The following ARHGAP31 variants were observed in gnomAD, a reference collection of about 807,000 sequenced individuals.
ARHGAP31 encodes the protein Rho GTPase activating protein 31.
Under a neutral mutation model 113.9 loss-of-function variants are expected in ARHGAP31, and 34 were observed. The ratio of observed to expected loss-of-function variants is 0.30; its 90% CI spans 0.23 to 0.40. ARHGAP31 has a LOEUF of 0.40. ARHGAP31 is among the 10% of genes least tolerant of loss of function. The probability of loss-of-function intolerance (pLI) is 1.00; values close to 1 mark genes in which losing one functional copy is unlikely to be tolerated. For synonymous variants in ARHGAP31, 650 were observed against 684.8 expected, an observed-to-expected ratio of 0.95 and a Z score of 0.79; for missense variants, 1,548 against 1,767.1, an observed-to-expected ratio of 0.88 and a Z score of 2.22.
chr3:119,366,262 A>ATTT, intron 2 of ARHGAP31, among the ~76,000 whole-genome samples: 1 of 150,960 alleles, frequency 6.6e-6, no homozygotes, highest in South Asian at 2.2e-4. Flanking sequence ...TTTAGTTATA[A>ATTT]ATGTAGGCTT....
At chr3:119,350,415 AT>A (rs1160208859) in intron 1 of ARHGAP31, among the ~76,000 whole-genome samples, 1 of 152,196 alleles carries the variant, frequency 6.6e-6, no homozygotes, top group Non-Finnish European at 1.5e-5. Flanking sequence ...AGATGACGTC[AT>A]TTTTTATAAA....
intron 7 of ARHGAP31, among the ~76,000 whole-genome samples, chr3:119,392,240 G>A (rs2107636247): frequency 6.6e-6 from 1 of 152,268 alleles, no homozygotes; most frequent in South Asian, 2.1e-4. Flanking sequence ...TTGAGCCCAG[G>A]AGTTTGAGAC....
intron 4 of ARHGAP31, among the ~76,000 whole-genome samples, chr3:119,381,918 G>A (rs146399667): frequency 0.042 from 6,403 of 151,412 alleles, 189 homozygotes; most frequent in African/African-American, 0.077. Flanking sequence ...CCCGGGAGGC[G>A]GAGCTTGCAG....
At chr3:119,298,143 G>A (rs140834967) in intron 1 of ARHGAP31, among the ~76,000 whole-genome samples, 136 of 152,162 alleles carry the variant, frequency 8.9e-4, no homozygotes, top group Non-Finnish European at 1.8e-3. Flanking sequence ...GGCATGAAGT[G>A]GCTCCTGGCA....
At chr3:119,337,097 A>T (rs1325481617) in intron 1 of ARHGAP31, among the ~76,000 whole-genome samples, 1 of 152,206 alleles carries the variant, frequency 6.6e-6, no homozygotes, top group Non-Finnish European at 1.5e-5. Context: ...TGTTGTGAAT[A>T]ATGGTGCTGT....
At chr3:119,352,674 G>A (rs1232626378) in intron 1 of ARHGAP31, among the ~76,000 whole-genome samples, 1 of 152,236 alleles carries the variant, frequency 6.6e-6, no homozygotes, top group South Asian at 2.1e-4. Context: ...TGGCCCTGAT[G>A]AGGAAGCTGA....
At chr3:119,379,417 T>C (rs2080376246) in intron 3 of ARHGAP31, among the ~76,000 whole-genome samples, 1 of 152,146 alleles carries the variant, frequency 6.6e-6, no homozygotes, top group Non-Finnish European at 1.5e-5. Context: ...TAAAGTTAAT[T>C]CCCTTCCACT....
intron 1 of ARHGAP31, among the ~76,000 whole-genome samples, chr3:119,295,342 G>C (rs1024423304): frequency 2.0e-5 from 3 of 151,884 alleles, no homozygotes; most frequent in African/African-American, 7.3e-5. Flanking sequence ...CGTTGGAAGG[G>C]AGGGAGGAGG....
intron 1 of ARHGAP31, among the ~76,000 whole-genome samples, chr3:119,362,487 G>T (rs2080216872): frequency 6.6e-6 from 1 of 152,234 alleles, no homozygotes; most frequent in South Asian, 2.1e-4. Context: ...TAGAGATGAG[G>T]CTGGGCGAGG....
At position 119,409,757 on chromosome 3, in the gene ARHGAP31, C is replaced by A. The variant is rs2080699896; in HGVS notation, c.1907C>A (p.Ala636Asp). The A allele has an allele frequency of 3.1e-6, 5 of 1,604,530 alleles. No homozygotes were observed. The African/African-American group carries it at 5.4e-5, about 17-fold the overall frequency. The stretch of plus-strand genomic sequence containing the variant: ...GAGAGCCCCAGGGCCAGAGCCGAAG[C>A]TGTGCTTCTCCATGAGATGGTAAAG... Reference protein sequence around the residue: ...LQESPRARAEAVLLHEMDEDD... With the variant: ...LQESPRARAEDVLLHEMDEDD... The change falls in exon 11 of 12, where the codon GCT (alanine) becomes GAT (aspartate). Residue 636 changes from alanine to aspartate, a missense_variant. By Grantham distance (126) the Ala-to-Asp change is moderately radical (BLOSUM62 -2). Transcript: ENST00000264245.
chr3:119,409,151 C>T (rs1349994121), intron 10 of ARHGAP31, among the ~76,000 whole-genome samples: 1 of 152,104 alleles, frequency 6.6e-6, no homozygotes, highest in Admixed American at 6.5e-5. Context: ...CACTACATGC[C>T]AGTAGCATTC....
intron 1 of ARHGAP31, among the ~76,000 whole-genome samples, chr3:119,357,906 T>A (rs1168056852): frequency 6.6e-6 from 1 of 152,234 alleles, no homozygotes; most frequent in Admixed American, 6.5e-5. Context: ...TGCATAATGA[T>A]GAACCATTAT....
At chr3:119,413,314 C>T (rs2050598244) in intron 11 of ARHGAP31, among the ~76,000 whole-genome samples, 1 of 127,460 alleles carries the variant, frequency 7.8e-6, no homozygotes, top group South Asian at 2.7e-4. Flanking sequence ...GAGACTCTGT[C>T]TCAAAAAAAA....
intron 1 of ARHGAP31, among the ~76,000 whole-genome samples, chr3:119,338,391 T>C (rs1456694824): frequency 6.6e-6 from 1 of 152,244 alleles, no homozygotes; most frequent in Non-Finnish European, 1.5e-5. Context: ...GCTCCTGTGG[T>C]ACTACATATT....
At chr3:119,327,739 C>T (rs763451540) in intron 1 of ARHGAP31, among the ~76,000 whole-genome samples, 3 of 152,194 alleles carry the variant, frequency 2.0e-5, no homozygotes, top group Non-Finnish European at 4.4e-5. Context: ...AGCAGGTCCA[C>T]AGGAGCAGAG....
chr3:119,349,105 G>A (rs2080088311), intron 1 of ARHGAP31, among the ~76,000 whole-genome samples: 1 of 152,078 alleles, frequency 6.6e-6, no homozygotes. Flanking sequence ...TTTTATATAA[G>A]GAATAATATA....
In ARHGAP31 at chr3:119,390,928, A is replaced by T; in HGVS notation, c.826A>T (p.Ile276Phe). The T allele has an allele frequency of 6.2e-7, 1 of 1,614,170 alleles. No homozygotes were observed. The highest frequency in any genetic ancestry group is 8.5e-7 in the Non-Finnish European group (1 of 1,180,036). ...KERRENSLPE[I>F]VPPMGTLFHT... ...AAGGAGGGAGAACAGCCTGCCTGAGATTGTCCCTCCCATGGGCACCCTCTT... is the reference window on the plus strand; with the variant it reads ...AAGGAGGGAGAACAGCCTGCCTGAGTTTGTCCCTCCCATGGGCACCCTCTT... The change falls in exon 7 of 12, where the codon ATT (isoleucine) becomes TTT (phenylalanine). Residue 276 changes from isoleucine (I) to phenylalanine (F), a missense_variant. Coordinates refer to ENST00000264245, the MANE Select transcript of ARHGAP31 (RefSeq NM_020754.4).
intron 1 of ARHGAP31, among the ~76,000 whole-genome samples, chr3:119,334,761 C>A (rs1377118190): frequency 2.0e-5 from 3 of 152,198 alleles, no homozygotes; most frequent in Non-Finnish European, 2.9e-5. Context: ...ACTTTACAAG[C>A]GTGCATTATT....
chr3:119,371,728 T>C (rs1339504453), intron 3 of ARHGAP31, among the ~76,000 whole-genome samples: 1 of 152,154 alleles, frequency 6.6e-6, no homozygotes, highest in African/African-American at 2.4e-5. Flanking sequence ...GGGGGTTTGT[T>C]GTACAGATTA....
Sources: allele counts gnomAD v4.1 joint callset (sites outside exome capture counted in the v4.1 genomes callset), GRCh38; gene constraint gnomAD v4.1.1; transcripts MANE v1.5; gene names NCBI Gene and HGNC (gene_info 2026-07-23, HGNC 2026-07-21).